Variants in OAF observed in about 807,000 individuals in gnomAD.
OAF encodes the protein out at first protein homolog.
OAF carries 13 observed loss-of-function variants against 22.5 expected under a neutral mutation model. The ratio of observed to expected loss-of-function variants is 0.58; its 90% CI spans 0.38 to 0.92. The LOEUF (loss-of-function observed/expected upper bound fraction) is 0.92. Ranked by LOEUF, OAF falls within the 40% of genes least tolerant of loss-of-function variation. The pLI is 0.00. For missense variants in OAF, 347 were observed against 381.8 expected (o/e 0.91, Z 0.76); for synonymous variants, 175 against 170.5 (o/e 1.03, Z -0.21).
chr11:120,213,759 A>G (rs1938179391), intron 1 of OAF: 1 of 152,166 alleles, frequency 6.6e-6, no homozygotes, highest in African/African-American at 2.4e-5. Flanking sequence ...TTTGGTCTAG[A>G]AGGAATGATT....
intron 3 of OAF, 28 bp from the exon 4 acceptor site, chr11:120,228,840 C>CCCCCCTTT: frequency 7.8e-7 from 1 of 1,286,142 alleles, no homozygotes; most frequent in South Asian, 1.3e-5. Context: ...CCCTCCCTCC[C>CCCCCCTTT]TCCCTGATCC....
Position 120,229,001 on chromosome 11 carries a change from C to T in OAF, c.681C>T (p.Cys227=). Residue 227 remains cysteine, a synonymous_variant, in exon 4 of 4, where the codon TGC becomes TGT. Transcript: ENST00000328965. ...GCCTGAGCCTGGCCTGGTACCCCTG[C>T]ATGCTCAAGTACTGCCACAGCCGCG... ...RYGLSLAWYP[C]MLKYCHSRDR... The T allele has an allele frequency of 6.2e-7, 1 of 1,613,512 alleles. No homozygotes were observed. The highest frequency in any genetic ancestry group is 8.5e-7 in the Non-Finnish European group (1 of 1,180,002).
At chr11:120,211,559 C>T (rs1565339990) in intron 1 of OAF, 49 bp downstream of exon 1, 4 of 1,305,888 alleles carry the variant, frequency 3.1e-6, no homozygotes, top group Non-Finnish European at 3.0e-6. Flanking sequence ...CTGAGCCCCC[C>T]GGGATCCCAG....
rs1231627735 is a variant in OAF at position 120,229,688 on chromosome 11, G to A, written c.*546G>A. 6.5e-6 allele frequency: 1 copy of A among 154,082 alleles called. No homozygotes were observed. Among genetic ancestry groups the A allele is most frequent in the Admixed American group, 6.3e-5 (1 of 15,768 alleles). The allele number at this position is 154,082 out of a possible 1,614,324, so 9.5% of individuals were successfully genotyped here. On this transcript the variant is annotated 3_prime_UTR_variant, in exon 4 of 4. Coordinates refer to ENST00000328965, the MANE Select transcript of OAF (RefSeq NM_178507.4). ...GGATTACAGCATATTCTCATCTCTG[G>A]CCCCGAGGCTGCCTGTGGGGCGAGT...
At chr11:120,215,210 T>C (rs1283936759) in intron 1 of OAF, among the ~76,000 whole-genome samples, 1 of 152,114 alleles carries the variant, frequency 6.6e-6, no homozygotes, top group Non-Finnish European at 1.5e-5. Context: ...AAAAATTAGC[T>C]GGGCATGGTG....
chr11:120,213,785 A>C (rs1591357450), intron 1 of OAF: 1 of 152,346 alleles, frequency 6.6e-6, no homozygotes, highest in East Asian at 1.9e-4. Flanking sequence ...TATAAGAAAA[A>C]GACTTCGGCT....
chr11:120,229,368 C>G lies in OAF; in HGVS notation c.*226C>G. On this transcript the variant is annotated 3_prime_UTR_variant, in exon 4 of 4. Coordinates refer to ENST00000328965, the MANE Select transcript of OAF (RefSeq NM_178507.4). The stretch of plus-strand genomic sequence containing the variant: ...TCCCACCCTGTGCCTTCCTTGCGGG[C>G]AGAGAGGGAGAGAAGGGCTCCCCAG... 3 of 333,922 alleles carry G rather than the reference C, an allele frequency of 9.0e-6. No individual in the cohort carries two copies. Among genetic ancestry groups the G allele is most frequent in the Non-Finnish European group, 1.0e-5 (2 of 194,322 alleles). 20.7% of individuals were successfully genotyped at this position (333,922 alleles called of 1,614,324 possible).
intron 1 of OAF, among the ~76,000 whole-genome samples, chr11:120,212,850 C>A (rs1463198722): frequency 7.0e-6 from 1 of 142,762 alleles, no homozygotes; most frequent in Non-Finnish European, 1.5e-5. Context: ...AGTGAGCGTT[C>A]ACAAATGGGA....
chr11:120,227,023 C>A (rs1438063081), intron 3 of OAF, 27 bp downstream of exon 3: 1 of 1,555,014 alleles, frequency 6.4e-7, no homozygotes. Flanking sequence ...GCACTGCCCG[C>A]TGCTGGGCGG....
chr11:120,218,889 C>T (rs76115883), intron 1 of OAF, among the ~76,000 whole-genome samples: 161 of 152,094 alleles, frequency 1.1e-3, no homozygotes, highest in Middle Eastern at 6.8e-3. Context: ...AGCTAGGGAC[C>T]GTGATGGGAA....
intron 3 of OAF, 47 bp from the exon 4 acceptor site, chr11:120,228,821 T>TACCAAACCAAC: frequency 5.8e-6 from 3 of 520,280 alleles, no homozygotes; most frequent in Non-Finnish European, 1.1e-5. Flanking sequence ...GGGAGCTCCT[T>TACCAAACCAAC]CCCTCCCTCC....
chr11:120,225,792 G>T lies in OAF; in HGVS notation c.363G>T (p.Arg121=). The T allele has an allele frequency of 2.5e-6, 4 of 1,598,104 alleles. No individual in the cohort carries two copies. Among genetic ancestry groups the T allele is most frequent in the Non-Finnish European group, 2.6e-6 (3 of 1,173,288 alleles). Residue 121 remains arginine, a synonymous_variant, in exon 2 of 4, where the codon CGG becomes CGT. Transcript: ENST00000328965. ...IIPSEAMAKL[R]QKNPRAVRQA... ...CCAGTGAGGCCATGGCCAAGCTCCG[G>T]CAGGTAAGTGCCCCACCAGGCCTGC...
At chr11:120,219,047 A>G (rs574788027) in intron 1 of OAF, among the ~76,000 whole-genome samples, 2 of 151,694 alleles carry the variant, frequency 1.3e-5, no homozygotes, top group African/African-American at 4.8e-5. Flanking sequence ...GTGTGAGGAG[A>G]ATCGAGCAAG....
At chr11:120,222,363 G>A (rs1938289530) in intron 1 of OAF, among the ~76,000 whole-genome samples, 1 of 151,688 alleles carries the variant, frequency 6.6e-6, no homozygotes, top group African/African-American at 2.4e-5. Context: ...TTCGATACCA[G>A]CCTGGGCAAC....
intron 1 of OAF, among the ~76,000 whole-genome samples, chr11:120,215,846 G>A (rs889528927): frequency 6.6e-6 from 1 of 152,152 alleles, no homozygotes. Flanking sequence ...GACCGGATGG[G>A]GAGGGTGATA....
Position 120,226,980 on chromosome 11 carries a change from G to T in OAF, c.531G>T (p.Arg177=). 1 of 1,597,148 alleles carries T rather than the reference G, an allele frequency of 6.3e-7. No homozygotes were observed. ...TCTACACCCGCCAGGAGGATGTCCG[G>T]TTCTGGCTGGAGCAAGGTCAGCTGG... ...DAIYTRQEDV[R]FWLEQGVDSS... The change falls in exon 3 of 4, where the codon CGG becomes CGT. Residue 177 remains arginine, a synonymous_variant. Coordinates refer to ENST00000328965, the MANE Select transcript of OAF (RefSeq NM_178507.4).
chr11:120,225,943 A>G, intron 2 of OAF, 148 bp downstream of exon 2: 1 of 656,304 alleles, frequency 1.5e-6, no homozygotes, highest in Admixed American at 3.2e-5. Context: ...CCCCAACCTT[A>G]GCCTCCCACC....
rs1591361883 is a variant in OAF, at chr11:120,229,400, A to C, written c.*258A>C. On this transcript the variant is annotated 3_prime_UTR_variant, in exon 4 of 4. Transcript: ENST00000328965. ...GGAGAGAAGGGCTCCCCAGATCTAC[A>C]CCCCTCCCTCCTGCATCTCCCCTGG... is the stretch of plus-strand genomic sequence containing the variant. 4 of 474,644 alleles carry C rather than the reference A, an allele frequency of 8.4e-6. No homozygotes were observed. The highest frequency in any genetic ancestry group is 1.6e-5 in the Non-Finnish European group (4 of 256,168). 29.4% of individuals were successfully genotyped at this position (474,644 alleles called of 1,614,324 possible).
rs142969345 is a variant in OAF, at chr11:120,229,056, C to T, written c.736C>T (p.Arg246Cys). 12 of 1,613,414 alleles carry T rather than the reference C, an allele frequency of 7.4e-6. No homozygotes were observed. Among genetic ancestry groups the T allele is most frequent in the South Asian group, 3.3e-5 (3 of 91,084 alleles). The change falls in exon 4 of 4, where the codon CGC becomes TGC. Residue 246 changes from arginine to cysteine, a missense_variant. Arg to Cys is a radical substitution (Grantham distance 180, BLOSUM62 -3). Coordinates refer to ENST00000328965, the MANE Select transcript of OAF (RefSeq NM_178507.4). The part of the protein sequence containing the change: ...DRPTPYKCGI[R>C]SCQKSYSFDF... ...GCCCACGCCCTACAAGTGTGGCATC[C>T]GCAGCTGCCAGAAGAGCTACAGCTT...
Sources: allele counts gnomAD v4.1 joint callset (sites outside exome capture counted in the v4.1 genomes callset), GRCh38; gene constraint gnomAD v4.1.1; transcripts MANE v1.5; gene names NCBI Gene and HGNC (gene_info 2026-07-23, HGNC 2026-07-21).